The following CFAP46 variants were observed in gnomAD, a reference collection of about 807,000 sequenced individuals.
CFAP46 encodes the protein cilia- and flagella-associated protein 46.
CFAP46 carries 245 observed loss-of-function variants against 325.7 expected under a neutral mutation model. That is an observed-to-expected ratio of 0.75 (90% confidence interval 0.68 to 0.84). The LOEUF (loss-of-function observed/expected upper bound fraction) is 0.84, where lower values mean the gene tolerates loss of function less well. CFAP46 is among the 40% of genes least tolerant of loss of function. The pLI is 0.00. For missense variants in CFAP46, 3,346 were observed against 3,543.0 expected (o/e 0.94, Z 1.41); for synonymous variants, 1,523 against 1,495.9 (o/e 1.02, Z -0.42).
At chr10:132,917,648 C>T (rs749664046) in intron 16 of CFAP46, among the ~76,000 whole-genome samples, 3 of 152,232 alleles carry the variant, frequency 2.0e-5, no homozygotes, top group Non-Finnish European at 4.4e-5. Flanking sequence ...GAGAAATTTA[C>T]ACCCATGCAC....
intron 50 of CFAP46, among the ~76,000 whole-genome samples, chr10:132,818,076 C>T (rs943932944): frequency 3.9e-5 from 6 of 152,340 alleles, no homozygotes; most frequent in East Asian, 3.9e-4. Context: ...CCCAGGACCA[C>T]GCGACGTCGC....
Position 132,885,264 on chromosome 10 carries a change from T to C in CFAP46, c.3466A>G (p.Ile1156Val). ...TTCTGCCCGAGCTTGGCCTTCACGA[T>C]GACCATGTGCTTGAAGATCAAGCTA... ...HRLLIFKHMVIVKAKLGQNFS... is the reference protein window; with the variant it reads ...HRLLIFKHMVVVKAKLGQNFS... The change falls in exon 27 of 58, where the codon ATC (isoleucine) becomes GTC (valine). Residue 1156 changes from isoleucine to valine, a missense_variant. Physicochemically the swap from Ile to Val is conservative, Grantham distance 29. Coordinates refer to ENST00000368586, the MANE Select transcript of CFAP46 (RefSeq NM_001200049.3). 1 of 1,549,454 alleles carries C rather than the reference T, an allele frequency of 6.5e-7. No individual in the cohort carries two copies. The highest frequency in any genetic ancestry group is 8.7e-7 in the Non-Finnish European group (1 of 1,146,270).
intron 50 of CFAP46, among the ~76,000 whole-genome samples, chr10:132,829,084 A>T (rs1218279229): frequency 2.6e-5 from 1 of 38,408 alleles, no homozygotes; most frequent in Non-Finnish European, 6.0e-5. Flanking sequence ...TAACTTCTAC[A>T]AAAAAAAAAA....
At chr10:132,903,942 A>G (rs570252593) in intron 22 of CFAP46, among the ~76,000 whole-genome samples, 12 of 152,354 alleles carry the variant, frequency 7.9e-5, no homozygotes, top group Admixed American at 2.0e-4. Flanking sequence ...CACTAATAGC[A>G]TAAATGCGAA....
chr10:132,880,933 G>T lies in CFAP46; in HGVS notation c.3727C>A (p.Arg1243Ser). 2 of 1,550,500 alleles carry T rather than the reference G, an allele frequency of 1.3e-6. No homozygotes were observed. Among genetic ancestry groups the T allele is most frequent in the South Asian group, 2.4e-5 (2 of 84,058 alleles). The part of the protein sequence containing the change: ...FPLEDVVFHL[R>S]WAVEILLAMK... The stretch of plus-strand genomic sequence containing the variant: ...GCCAGCAGGATCTCGACAGCCCAGC[G>T]GAGGTGGAAGACCACGTCCTCGAGA... Residue 1243 changes from arginine (R) to serine (S), a missense_variant, in exon 28 of 58, where the codon CGC (arginine) becomes AGC (serine). Transcript: ENST00000368586.
rs1216405562 is a variant in CFAP46, at chr10:132,885,801, G to A, written c.3443+20C>T. The A allele has an allele frequency of 1.3e-6, 2 of 1,540,220 alleles. No homozygotes were observed. Among genetic ancestry groups the A allele is most frequent in the Admixed American group, 2.0e-5 (1 of 50,628 alleles). On this transcript the variant is annotated intron_variant, in intron 26 of 57. Transcript: ENST00000368586. ...CAGGCGGTGGAGGGAGCACTCACAGGCGGTGGGGGGAGCACTCACAGGCGG... is the reference window on the plus strand; with the variant it reads ...CAGGCGGTGGAGGGAGCACTCACAGACGGTGGGGGGAGCACTCACAGGCGG...
chr10:132,870,543 G>C (rs868470333), intron 32 of CFAP46, among the ~76,000 whole-genome samples: 6 of 152,180 alleles, frequency 3.9e-5, no homozygotes, highest in South Asian at 2.1e-4. Flanking sequence ...TGACGAGAAG[G>C]TGGAGCCGCC....
intron 29 of CFAP46, 43 bp downstream of exon 29, chr10:132,879,383 C>T (rs936002686): frequency 2.8e-5 from 40 of 1,446,388 alleles, no homozygotes; most frequent in Non-Finnish European, 3.0e-5. Context: ...CGGCCCGTCC[C>T]GGGAGGTGCT....
Position 132,866,190 on chromosome 10 carries a change from C to A in CFAP46, c.4744-19G>T, listed in dbSNP as rs887536362. On this transcript the variant is annotated intron_variant, in intron 34 of 57. Coordinates refer to ENST00000368586, the MANE Select transcript of CFAP46 (RefSeq NM_001200049.3). Reference sequence around the variant, plus strand: ...TCAAAATCTGTAAGATACCGCAGCCCCAGGCGGCACGATCCTGACACTTGT... The same window carrying A: ...TCAAAATCTGTAAGATACCGCAGCCACAGGCGGCACGATCCTGACACTTGT... 1 of 1,496,872 alleles carries A rather than the reference C, an allele frequency of 6.7e-7. No individual in the cohort carries two copies. The highest frequency in any genetic ancestry group is 8.9e-7 in the Non-Finnish European group (1 of 1,118,576). 92.7% of individuals were successfully genotyped at this position (1,496,872 alleles called of 1,614,324 possible).
rs1213928332 is a variant in CFAP46, at chr10:132,942,053, C to T, written c.101G>A (p.Gly34Glu). Residue 34 changes from glycine (G) to glutamate (E), a missense_variant, in exon 2 of 58, where the codon GGG (glycine) becomes GAG (glutamate). Physicochemically the swap from Gly to Glu is moderately conservative, Grantham distance 98. Coordinates refer to ENST00000368586, the MANE Select transcript of CFAP46 (RefSeq NM_001200049.3). ...AYELIKSANL[G>E]KSEFDPSESF... ...CTCTGAGGGGTCAAACTCCGATTTC[C>T]CTAGGTTGGCCGATTTGATCAACTC... 1 of 1,551,794 alleles carries T rather than the reference C, an allele frequency of 6.4e-7. No homozygotes were observed. The highest frequency in any genetic ancestry group is 2.4e-5 in the East Asian group (1 of 40,918).
chr10:132,814,751 A>C lies in CFAP46; in HGVS notation c.7189-5T>G. On this transcript the variant is annotated splice_polypyrimidine_tract_variant and splice_region_variant and intron_variant, in intron 51 of 57. Transcript: ENST00000368586. ...GATGGTCCGGGGGATGCTGCCCTGC[A>C]ACCACAGACCAGGGTCAGCAGGTGC... 1 of 1,613,746 alleles carries C rather than the reference A, an allele frequency of 6.2e-7. No individual in the cohort carries two copies. The highest frequency in any genetic ancestry group is 2.2e-5 in the East Asian group (1 of 44,864).
At chr10:132,840,125 A>G (rs555484058) in intron 44 of CFAP46, among the ~76,000 whole-genome samples, 10 of 152,344 alleles carry the variant, frequency 6.6e-5, no homozygotes, top group South Asian at 2.1e-4. Flanking sequence ...CATTTTAAAT[A>G]AGAGATTCAA....
chr10:132,862,838 G>A (rs1471399275), intron 35 of CFAP46, among the ~76,000 whole-genome samples: 1 of 151,630 alleles, frequency 6.6e-6, no homozygotes. Flanking sequence ...ACTGGCTGAG[G>A]GTGAGGAGGG....
rs982266665 is a variant in CFAP46, at chr10:132,858,564, C to T, written c.5375+507G>A. On this transcript the variant is annotated intron_variant, in intron 38 of 57. Coordinates refer to ENST00000368586, the MANE Select transcript of CFAP46 (RefSeq NM_001200049.3). Reference sequence around the variant, plus strand: ...ATCAGGGCTGTGCTGGCCCTGCCCTCGGTGGGAGCAGCCCCTGAGATGCCG... The same window carrying T: ...ATCAGGGCTGTGCTGGCCCTGCCCTTGGTGGGAGCAGCCCCTGAGATGCCG... 3.9e-5 allele frequency among the ~76,000 whole-genome samples: 6 copies of T among 152,082 alleles called. No individual in the cohort carries two copies. The East Asian group carries it at 1.2e-3, about 30-fold the overall frequency.
chr10:132,834,896 A>G (rs1848214099), intron 47 of CFAP46, 121 bp from the exon 48 acceptor site: 5 of 1,364,902 alleles, frequency 3.7e-6, no homozygotes, highest in Non-Finnish European at 4.9e-6. Context: ...CATGGTGGAC[A>G]AGGGCACCTG....
Position 132,942,490 on chromosome 10 carries a change from C to A in CFAP46, c.-6G>T. 1 of 1,265,586 alleles carries A rather than the reference C, an allele frequency of 7.9e-7. No individual in the cohort carries two copies. Among genetic ancestry groups the A allele is most frequent in the East Asian group, 3.2e-5 (1 of 31,738 alleles). The allele number at this position is 1,265,586 out of a possible 1,614,324, so 78.4% of individuals were successfully genotyped here. A position where few individuals can be genotyped will look rare whatever the true frequency, so the allele number is the denominator to read the frequency against. ...TGCGTGATGACCAGGTCCATGGCGC[C>A]GGCGCCCTGCTCGTCCGCTCTCTCC... On this transcript the variant is annotated 5_prime_UTR_variant, in exon 1 of 58. Transcript: ENST00000368586.
At chr10:132,914,088 A>AGCTCCCTTGAG (rs1175905998) in intron 17 of CFAP46, among the ~76,000 whole-genome samples, 2 of 121,632 alleles carry the variant, frequency 1.6e-5, no homozygotes, top group East Asian at 4.9e-4. Context: ...GCCACACTGC[A>AGCTCCCTTGAG]CCCCGGCCCG....
intron 50 of CFAP46, among the ~76,000 whole-genome samples, chr10:132,824,613 T>G (rs1476951424): frequency 6.0e-4 from 68 of 112,736 alleles, no homozygotes; most frequent in Middle Eastern, 5.9e-3. Context: ...GTGTGCTGTG[T>G]GCGCTGATGT....
At position 132,889,252 on chromosome 10, in the gene CFAP46, G is replaced by A. The variant is rs1377960500; in HGVS notation, c.3304+3081C>T. 6.6e-6 allele frequency among the ~76,000 whole-genome samples: 1 copy of A among 152,164 alleles called. No homozygotes were observed. Among genetic ancestry groups the A allele is most frequent in the African/African-American group, 2.4e-5 (1 of 41,424 alleles). On this transcript the variant is annotated intron_variant, in intron 25 of 57. Coordinates refer to ENST00000368586, the MANE Select transcript of CFAP46 (RefSeq NM_001200049.3). This position sits in a 1 kb window ranked among gnomAD's most constrained non-coding sequence, Gnocchi z 6.0. ...ACCGAGGCTTACGTCACAGAGTGTG[G>A]AGACTTCTTTCCCTTCTCTGACTCA...
Sources: gnomAD v4.1 joint callset for allele counts (sites outside exome capture counted in the v4.1 genomes callset) on GRCh38, gnomAD v4.1.1 for gene constraint, Gnocchi (gnomAD v3.1) non-coding constraint, MANE v1.5 for transcripts, NCBI Gene and HGNC (gene_info 2026-07-23, HGNC 2026-07-21) for gene names.